Variants in GTPBP10 observed in about 807,000 individuals in gnomAD.
GTPBP10 encodes the protein GTP-binding protein 10.
Under a neutral mutation model 44.8 loss-of-function variants are expected in GTPBP10, and 38 were observed. The ratio of observed to expected loss-of-function variants is 0.85; its 90% CI spans 0.65 to 1.11. The LOEUF (loss-of-function observed/expected upper bound fraction) is 1.11. GTPBP10 is among the 50% of genes most tolerant of loss of function. GTPBP10 has a pLI of 0.00. For synonymous variants in GTPBP10, 152 were observed against 150.6 expected (o/e 1.01, Z -0.07); for missense variants, 462 against 453.7 (o/e 1.02, Z -0.17).
At chr7:90,374,742 G>A (rs1208644472) in intron 6 of GTPBP10, among the ~76,000 whole-genome samples, 1 of 151,698 alleles carries the variant, frequency 6.6e-6, no homozygotes, top group Non-Finnish European at 1.5e-5. Flanking sequence ...TGGAGTTTTG[G>A]TCTCAACCAG....
At chr7:90,364,763 G>T (rs1355342794) in intron 4 of GTPBP10, among the ~76,000 whole-genome samples, 1 of 152,152 alleles carries the variant, frequency 6.6e-6, no homozygotes, top group Non-Finnish European at 1.5e-5. Context: ...CTTGAGCTGT[G>T]GTGGACTCCA....
intron 4 of GTPBP10, chr7:90,371,378 A>T (rs2115721918): frequency 6.4e-6 from 1 of 156,896 alleles, no homozygotes; most frequent in Middle Eastern, 3.3e-3. Flanking sequence ...GCAACTATAA[A>T]GTAGTTTTCC....
intron 1 of GTPBP10, among the ~76,000 whole-genome samples, chr7:90,351,844 C>T (rs369239678): frequency 7.9e-5 from 12 of 152,180 alleles, no homozygotes; most frequent in South Asian, 4.2e-4. Context: ...TACAGGCGCC[C>T]GCCACCACGC....
chr7:90,363,678 G>T (rs909981287), intron 4 of GTPBP10, among the ~76,000 whole-genome samples: 1 of 152,120 alleles, frequency 6.6e-6, no homozygotes, highest in African/African-American at 2.4e-5. Flanking sequence ...TTGAATGTTG[G>T]CCTGCCTTGC....
chr7:90,384,207 G>C (rs772920296), intron 9 of GTPBP10, among the ~76,000 whole-genome samples: 5 of 152,168 alleles, frequency 3.3e-5, no homozygotes, highest in Non-Finnish European at 7.4e-5. Context: ...TTGAATCTCA[G>C]AAAGTAAGCT....
rs1188468613 is a variant in GTPBP10, at chr7:90,389,643, T to C, written c.*4489T>C. Reference sequence around the variant, plus strand: ...GACATTTATTAAAAAAAAATGTCTATGCCTTATCAAAGTTTATAACTCAAG... The same window carrying C: ...GACATTTATTAAAAAAAAATGTCTACGCCTTATCAAAGTTTATAACTCAAG... On this transcript the variant is annotated 3_prime_UTR_variant, in exon 10 of 10. Coordinates refer to ENST00000222511, the MANE Select transcript of GTPBP10 (RefSeq NM_033107.4). 6.6e-6 allele frequency: 1 copy of C among 152,196 alleles called. No homozygotes were observed. Among genetic ancestry groups the C allele is most frequent in the African/African-American group, 2.4e-5 (1 of 41,446 alleles). 9.4% of individuals were successfully genotyped at this position (152,196 alleles called of 1,614,324 possible).
At position 90,389,130 on chromosome 7, in the gene GTPBP10, G is replaced by A. The variant is rs1423411961; in HGVS notation, c.*3976G>A. The A allele has an allele frequency of 6.6e-6, 1 of 152,098 alleles. No homozygotes were observed. The highest frequency in any genetic ancestry group is 2.4e-5 in the African/African-American group (1 of 41,416). 9.4% of individuals were successfully genotyped at this position (152,098 alleles called of 1,614,324 possible). ...AAATCCTTAATAGTATCTCAAATCT[G>A]GTTTAAATCTGTCTCTCCTTAACGG... On this transcript the variant is annotated 3_prime_UTR_variant, in exon 10 of 10. Coordinates refer to ENST00000222511, the MANE Select transcript of GTPBP10 (RefSeq NM_033107.4).
chr7:90,354,547 T>G lies in GTPBP10; in HGVS notation c.317T>G (p.Ile106Arg), dbSNP rs751089742. ...GTAACTGATGAAAATGGTAAAATTA[T>G]AGGTGAGTGTACTATAACTCCAAAA... Reference protein sequence around the residue: ...ISVTDENGKIIGELNKENDRI... With the variant: ...ISVTDENGKIRGELNKENDRI... Residue 106 changes from isoleucine to arginine, a missense_variant and splice_region_variant, in exon 3 of 10, where the codon ATA becomes AGA. Transcript: ENST00000222511. 1 of 1,514,328 alleles carries G rather than the reference T, an allele frequency of 6.6e-7. No individual in the cohort carries two copies. Among genetic ancestry groups the G allele is most frequent in the Non-Finnish European group, 9.0e-7 (1 of 1,105,032 alleles). 93.8% of individuals were successfully genotyped at this position (1,514,328 alleles called of 1,614,324 possible).
chr7:90,378,164 C>A lies in GTPBP10; in HGVS notation c.730C>A (p.His244Asn), dbSNP rs1204406796. 1.2e-6 allele frequency: 2 copies of A among 1,613,074 alleles called. No homozygotes were observed. The highest frequency in any genetic ancestry group is 8.5e-7 in the Non-Finnish European group (1 of 1,179,512). ...TATTTCTGGATTTCAGCTTTCTTCTCACACTCAATACAGGACAGCTTTTGA... is the reference window on the plus strand; with the variant it reads ...TATTTCTGGATTTCAGCTTTCTTCTAACACTCAATACAGGACAGCTTTTGA... ...VDISGFQLSS[H>N]TQYRTAFETI... Residue 244 changes from histidine (H) to asparagine (N), a missense_variant, in exon 8 of 10, where the codon CAC (histidine) becomes AAC (asparagine). Transcript: ENST00000222511.
chr7:90,373,116 G>A (rs984296677), intron 5 of GTPBP10, among the ~76,000 whole-genome samples: 2 of 152,158 alleles, frequency 1.3e-5, no homozygotes, highest in Non-Finnish European at 2.9e-5. Flanking sequence ...AGTGGTGGCA[G>A]GGAGTAGATT....
At chr7:90,348,853 A>G (rs1032978900) in intron 1 of GTPBP10, among the ~76,000 whole-genome samples, 3 of 152,334 alleles carry the variant, frequency 2.0e-5, no homozygotes, top group Middle Eastern at 3.4e-3. Context: ...GTCCTGAACA[A>G]TAGGAGCTCT....
intron 4 of GTPBP10, among the ~76,000 whole-genome samples, chr7:90,368,193 T>C (rs922047613): frequency 2.0e-5 from 3 of 152,208 alleles, no homozygotes; most frequent in African/African-American, 7.2e-5. Context: ...ACCGTACCTT[T>C]CTCTCTGGCT....
intron 1 of GTPBP10, chr7:90,347,583 T>C: frequency 2.0e-6 from 1 of 493,572 alleles, no homozygotes. Context: ...AATTACTCCT[T>C]AAGTTATTTT....
At chr7:90,357,044 A>G (rs1795916697) in intron 4 of GTPBP10, among the ~76,000 whole-genome samples, 1 of 152,238 alleles carries the variant, frequency 6.6e-6, no homozygotes, top group Non-Finnish European at 1.5e-5. Context: ...TATGAATACT[A>G]GCATAAGTAG....
rs1796521161 is a variant in GTPBP10, at chr7:90,386,148, G to A, written c.*994G>A. 1 of 151,918 alleles carries A rather than the reference G, an allele frequency of 6.6e-6. No individual in the cohort carries two copies. The highest frequency in any genetic ancestry group is 1.5e-5 in the Non-Finnish European group (1 of 67,988). 9.4% of individuals were successfully genotyped at this position (151,918 alleles called of 1,614,324 possible). A position where few individuals can be genotyped will look rare whatever the true frequency, so the allele number is the denominator to read the frequency against. On this transcript the variant is annotated 3_prime_UTR_variant, in exon 10 of 10. Transcript: ENST00000222511. ...CATTCTCTGATATTCCTTTACTTAGGATGTCCCTATTGAGATCATTTTTTA... is the reference window on the plus strand; with the variant it reads ...CATTCTCTGATATTCCTTTACTTAGAATGTCCCTATTGAGATCATTTTTTA...
intron 4 of GTPBP10, among the ~76,000 whole-genome samples, chr7:90,364,164 TC>T (rs1171155077): frequency 1.3e-5 from 2 of 152,242 alleles, no homozygotes; most frequent in Non-Finnish European, 2.9e-5. Context: ...CCAGCTTTGT[TC>T]CATTGCTGGG....
At chr7:90,371,492 T>C (rs1796256733) in intron 4 of GTPBP10, among the ~76,000 whole-genome samples, 1 of 152,190 alleles carries the variant, frequency 6.6e-6, no homozygotes, top group African/African-American at 2.4e-5. Flanking sequence ...TAAGTGTCCA[T>C]GTAGGTGCTA....
chr7:90,350,875 AC>A (rs1486502431), intron 1 of GTPBP10, among the ~76,000 whole-genome samples: 1 of 152,148 alleles, frequency 6.6e-6, no homozygotes, highest in African/African-American at 2.4e-5. Context: ...TAGTGTCATG[AC>A]TTTACTTCTT....
chr7:90,365,222 G>A (rs539502093), intron 4 of GTPBP10, among the ~76,000 whole-genome samples: 2 of 152,154 alleles, frequency 1.3e-5, no homozygotes, highest in East Asian at 1.9e-4. Flanking sequence ...TGCATCGCTC[G>A]CACTGGGAGC....
Sources: allele counts gnomAD v4.1 joint callset (sites outside exome capture counted in the v4.1 genomes callset), GRCh38; gene constraint gnomAD v4.1.1; transcripts MANE v1.5; gene names NCBI Gene and HGNC (gene_info 2026-07-23, HGNC 2026-07-21).